The following ATXN2 variants were observed in gnomAD, a reference collection of about 807,000 sequenced individuals.
ATXN2 encodes ataxin-2.
Under a neutral mutation model 138.6 loss-of-function variants are expected in ATXN2, and 37 were observed. The ratio of observed to expected loss-of-function variants is 0.27; its 90% CI spans 0.21 to 0.35. ATXN2 has a LOEUF of 0.35. ATXN2 is among the 10% of genes least tolerant of loss of function. ATXN2 has a pLI of 1.00. For missense variants in ATXN2, 1,216 were observed against 1,480.3 expected, an observed-to-expected ratio of 0.82 and a Z score of 2.93; for synonymous variants, 549 against 543.7, an observed-to-expected ratio of 1.01 and a Z score of -0.13.
In ATXN2 at chr12:111,535,904, G is replaced by T. The variant is rs199919546; in HGVS notation, c.572-10588C>A. ...AGTCCCAGCTACTTGGGAGGCTGAG[G>T]CAGGAGAATGGCGTGAACCCAGGAG... On this transcript the variant is annotated intron_variant, in intron 5 of 24. Coordinates refer to ENST00000673436, the MANE Select transcript of ATXN2 (RefSeq NM_001372574.1). Among the ~76,000 whole-genome samples, 69 of 150,424 alleles carry T rather than the reference G, an allele frequency of 4.6e-4. 1 individual carries two copies. In the East Asian group the frequency reaches 0.011, roughly 24 times the overall value.
chr12:111,452,472 C>A lies in ATXN2; in HGVS notation c.*340G>T. The A allele has an allele frequency of 6.1e-6, 1 of 164,150 alleles. No homozygotes were observed. 10.2% of individuals were successfully genotyped at this position (164,150 alleles called of 1,614,324 possible). ...TTTTAGCAGTAATAGCAGCAAGAAT[C>A]ACTCTTGTTACTTCTTTTGCTAGCT... On this transcript the variant is annotated 3_prime_UTR_variant, in exon 25 of 25. Transcript: ENST00000673436.
At position 111,513,687 on chromosome 12, in the gene ATXN2, C is replaced by T. The variant is rs1236236809; in HGVS notation, c.1376-148G>A. The T allele has an allele frequency of 2.9e-5, 18 of 611,412 alleles. No individual in the cohort carries two copies. The East Asian group carries it at 6.3e-4, about 22-fold the overall frequency. The allele number at this position is 611,412 out of a possible 1,614,324, so 37.9% of individuals were successfully genotyped here. On this transcript the variant is annotated intron_variant, in intron 10 of 24. Coordinates refer to ENST00000673436, the MANE Select transcript of ATXN2 (RefSeq NM_001372574.1). ...GTTAAAAATAGAAAAAAAAAAAACA[C>T]CATACATATTTTTTTGGCCATACTA...
In ATXN2 at chr12:111,464,580, A is replaced by C. The variant is rs574887258; in HGVS notation, c.2896+82T>G. The stretch of plus-strand genomic sequence containing the variant: ...GACTGGCACAAGGAAAATATTGTTC[A>C]ACAAGTCTACTCCCTTAACATGTAT... On this transcript the variant is annotated intron_variant, in intron 21 of 24. Coordinates refer to ENST00000673436, the MANE Select transcript of ATXN2 (RefSeq NM_001372574.1). 5 of 1,054,330 alleles carry C rather than the reference A, an allele frequency of 4.7e-6. No individual in the cohort carries two copies. The East Asian group carries it at 1.2e-4, about 25-fold the overall frequency. 65.3% of individuals were successfully genotyped at this position (1,054,330 alleles called of 1,614,324 possible). A position where few individuals can be genotyped will look rare whatever the true frequency, so the allele number is the denominator to read the frequency against.
chr12:111,580,702 A>C (rs1454183418), intron 1 of ATXN2, among the ~76,000 whole-genome samples: 1 of 58,646 alleles, frequency 1.7e-5, no homozygotes, highest in Non-Finnish European at 3.1e-5. Context: ...GGAGGGAGGG[A>C]GGGAGAGAGG....
intron 5 of ATXN2, among the ~76,000 whole-genome samples, chr12:111,532,170 T>C (rs966433705): frequency 9.9e-5 from 15 of 151,970 alleles, no homozygotes; most frequent in Non-Finnish European, 1.8e-4. Context: ...GGATACCATA[T>C]CAAGATTCTG....
chr12:111,476,577 T>C (rs1356791130), intron 18 of ATXN2, among the ~76,000 whole-genome samples: 3 of 152,120 alleles, frequency 2.0e-5, no homozygotes, highest in Non-Finnish European at 4.4e-5. Flanking sequence ...AAGGTCAATA[T>C]TCAAAAATCA....
At chr12:111,547,935 A>G (rs1056299140) in intron 5 of ATXN2, among the ~76,000 whole-genome samples, 5 of 147,756 alleles carry the variant, frequency 3.4e-5, no homozygotes, top group African/African-American at 1.3e-4. Context: ...GTTCATGCCT[A>G]CAATCCCAGC....
At chr12:111,554,764 G>C (rs141267110) in intron 2 of ATXN2, among the ~76,000 whole-genome samples, 1 of 152,272 alleles carries the variant, frequency 6.6e-6, no homozygotes, top group East Asian at 1.9e-4. Flanking sequence ...TAACTTGATT[G>C]TGGTGGTAGT....
Position 111,584,083 on chromosome 12 carries a change from C to T in ATXN2, c.251+14701G>A, listed in dbSNP as rs901402111. 2.1e-5 allele frequency among the ~76,000 whole-genome samples: 3 copies of T among 145,262 alleles called. No individual in the cohort carries two copies. The South Asian group carries it at 6.2e-4, about 30-fold the overall frequency. On this transcript the variant is annotated intron_variant, in intron 1 of 24. Transcript: ENST00000673436. ...TTTTGACTATATCAATAAAAAATTA[C>T]TTAAAAAAAAATTTTTGGCTAGGCA...
intron 21 of ATXN2, chr12:111,461,246 G>A (rs1346395659): frequency 6.6e-6 from 1 of 152,142 alleles, no homozygotes; most frequent in Non-Finnish European, 1.5e-5. Flanking sequence ...GAGGCGGGCG[G>A]ATCACCTGAG....
chr12:111,542,513 C>A (rs1394510147), intron 5 of ATXN2, among the ~76,000 whole-genome samples: 1 of 152,208 alleles, frequency 6.6e-6, no homozygotes, highest in East Asian at 1.9e-4. Flanking sequence ...TGTCACCCAG[C>A]TGGAGTGCCG....
At chr12:111,542,462 C>T (rs931255871) in intron 5 of ATXN2, among the ~76,000 whole-genome samples, 2 of 151,986 alleles carry the variant, frequency 1.3e-5, no homozygotes, top group African/African-American at 2.4e-5. Flanking sequence ...TCAGGTGATC[C>T]GCCACGCCTG....
At chr12:111,590,935 C>G (rs570363198) in intron 1 of ATXN2, among the ~76,000 whole-genome samples, 13 of 151,870 alleles carry the variant, frequency 8.6e-5, no homozygotes, top group Non-Finnish European at 1.9e-4. Flanking sequence ...GTCCCCCAGG[C>G]TGAAGTACAG....
Position 111,598,954 on chromosome 12 carries a change from C to A in ATXN2, c.81G>T (p.Gln27His), listed in dbSNP as rs1214847254. Residue 27 changes from glutamine to histidine, a missense_variant, in exon 1 of 25, where the codon CAG becomes CAT. Gln to His is a conservative substitution (Grantham distance 24). Transcript: ENST00000673436. The surrounding 1 kb of genome is among the most constrained non-coding windows in gnomAD (Gnocchi z 4.5). Reference sequence around the variant, plus strand: ...CATTGGCAGCCGCGGGCGGCGGCTGCTGCTGCTGCTGCTGCTGCTGCTGTT... The same window carrying A: ...CATTGGCAGCCGCGGGCGGCGGCTGATGCTGCTGCTGCTGCTGCTGCTGTT... ...QQQQQQQQQQ[Q>H]QPPPAAANVR... 1.7e-5 allele frequency: 12 copies of A among 701,848 alleles called. No individual in the cohort carries two copies. The highest frequency in any genetic ancestry group is 2.5e-5 in the South Asian group (1 of 40,498). 43.5% of individuals were successfully genotyped at this position (701,848 alleles called of 1,614,324 possible). A position where few individuals can be genotyped will look rare whatever the true frequency, so the allele number is the denominator to read the frequency against.
chr12:111,539,195 T>C lies in ATXN2; in HGVS notation c.571+13085A>G, dbSNP rs1286489728. Among the ~76,000 whole-genome samples, 3 of 150,088 alleles carry C rather than the reference T, an allele frequency of 2.0e-5. No individual in the cohort carries two copies. In the East Asian group the frequency reaches 5.8e-4, roughly 29 times the overall value. ...TTTGTGCCATCTCAAAATATGAAAT[T>C]AGCCTAGGCCTGGTGTGATAGCTTA... On this transcript the variant is annotated intron_variant, in intron 5 of 24. Coordinates refer to ENST00000673436, the MANE Select transcript of ATXN2 (RefSeq NM_001372574.1).
At chr12:111,463,218 T>C (rs1417061396) in intron 21 of ATXN2, among the ~76,000 whole-genome samples, 5 of 152,224 alleles carry the variant, frequency 3.3e-5, no homozygotes, top group African/African-American at 7.2e-5. Context: ...ACAATATTAA[T>C]GGCACAAATT....
chr12:111,487,648 C>T (rs1387551297), intron 15 of ATXN2, among the ~76,000 whole-genome samples: 1 of 151,834 alleles, frequency 6.6e-6, no homozygotes, highest in East Asian at 1.9e-4. Context: ...TTAGTACAGA[C>T]AGGGTTTCAC....
Position 111,598,794 on chromosome 12 carries a change from C to G in ATXN2, c.241G>C (p.Gly81Arg). The G allele has an allele frequency of 5.0e-6, 7 of 1,387,508 alleles. No homozygotes were observed. The highest frequency in any genetic ancestry group is 6.5e-6 in the Non-Finnish European group (7 of 1,078,340). The allele number at this position is 1,387,508 out of a possible 1,614,324, so 85.9% of individuals were successfully genotyped here. The change falls in exon 1 of 25, where the codon GGC becomes CGC. Residue 81 changes from glycine (G) to arginine (R), a missense_variant. This residue lies in a region of ATXN2 where 401 missense variants were observed against 528.1 expected (regional missense o/e 0.76). Coordinates refer to ENST00000673436, the MANE Select transcript of ATXN2 (RefSeq NM_001372574.1). The surrounding 1 kb of genome is among the most constrained non-coding windows in gnomAD (Gnocchi z 4.5). ...GGTGCCGACACCCACCTGCCCAGGC[C>G]GGGCCTCCCGCCGCCGGAGGTCGCC... ...VAATSGGGRP[G>R]LGRGRNSNKG...
chr12:111,524,782 G>C (rs1211360634), intron 6 of ATXN2, among the ~76,000 whole-genome samples: 2 of 152,114 alleles, frequency 1.3e-5, no homozygotes, highest in Non-Finnish European at 2.9e-5. Flanking sequence ...TCAGACAAGA[G>C]GCTTAAAATG....
Sources: gnomAD v4.1 joint callset for allele counts (sites outside exome capture counted in the v4.1 genomes callset) on GRCh38, gnomAD v4.1.1 for gene constraint, gnomAD v4.1.1 regional missense constraint, Gnocchi (gnomAD v3.1) non-coding constraint, MANE v1.5 for transcripts, NCBI Gene and HGNC (gene_info 2026-07-23, HGNC 2026-07-21) for gene names.